UNC13C: variants seen among roughly 807,000 people sequenced by gnomAD.
UNC13C encodes the protein unc-13 homolog C, also known as protein unc-13 homolog C.
In UNC13C, 174 loss-of-function variants were observed where a neutral mutation model predicts 245.4. The observed-to-expected ratio is 0.71, with a 90% CI of 0.63 to 0.80. The LOEUF (loss-of-function observed/expected upper bound fraction) is 0.80. UNC13C is among the 30% of genes least tolerant of loss of function. UNC13C has a pLI of 0.00. For synonymous variants in UNC13C, 992 were observed against 895.1 expected, an observed-to-expected ratio of 1.11 and a Z score of -1.93; for missense variants, 2,829 against 2,602.9, an observed-to-expected ratio of 1.09 and a Z score of -1.89.
Position 54,014,128 on chromosome 15 carries a change from C to G in UNC13C, c.1225C>G (p.Leu409Val), listed in dbSNP as rs764983407. The G allele has an allele frequency of 1.2e-5, 19 of 1,613,714 alleles. No individual in the cohort carries two copies. The highest frequency in any genetic ancestry group is 1.6e-5 in the Non-Finnish European group (19 of 1,179,814). ...GTGIGISTDILTHDIRERKEK... is the reference protein window; with the variant it reads ...GTGIGISTDIVTHDIRERKEK... ...AGGCATTGGAATCTCAACAGATATT[C>G]TAACTCATGACATCAGAGAAAGAAA... Residue 409 changes from leucine to valine, a missense_variant, in exon 2 of 33, where the codon CTA (leucine) becomes GTA (valine). By Grantham distance (32) the Leu-to-Val change is conservative (BLOSUM62 1). Transcript: ENST00000260323.
intron 4 of UNC13C, among the ~76,000 whole-genome samples, chr15:54,193,627 C>G (rs1165303652): frequency 2.6e-5 from 4 of 152,100 alleles, no homozygotes; most frequent in African/African-American, 4.8e-5. Flanking sequence ...CTGTTTTACT[C>G]TTTTCAAATA....
intron 19 of UNC13C, among the ~76,000 whole-genome samples, chr15:54,420,836 C>G (rs2040626275): frequency 6.6e-6 from 1 of 151,846 alleles, no homozygotes; most frequent in African/African-American, 2.4e-5. Context: ...TTTTCCTCAC[C>G]AAGCTCCTCT....
chr15:54,425,823 G>C lies in UNC13C; in HGVS notation c.4933+10756G>C, dbSNP rs77894326. 7.6e-3 allele frequency among the ~76,000 whole-genome samples: 1,152 copies of C among 151,922 alleles called. 11 individuals carry two copies. Among genetic ancestry groups the C allele is most frequent in the African/African-American group, 0.027 (1,114 of 41,492 alleles). Reference sequence around the variant, plus strand: ...ATGCAAATGCAAATATATCATCTTAGAGAATTTTGTAGGTCAGGAAGTCTG... The same window carrying C: ...ATGCAAATGCAAATATATCATCTTACAGAATTTTGTAGGTCAGGAAGTCTG... On this transcript the variant is annotated intron_variant, in intron 19 of 32. Coordinates refer to ENST00000260323, the MANE Select transcript of UNC13C (RefSeq NM_001080534.3).
chr15:54,356,588 C>G (rs963951673), intron 17 of UNC13C, among the ~76,000 whole-genome samples: 4 of 152,156 alleles, frequency 2.6e-5, no homozygotes, highest in African/African-American at 7.2e-5. Context: ...GAAACCTCAC[C>G]TAATGGAAGG....
chr15:53,879,109 G>T, the UNC13C span, among the ~76,000 whole-genome samples: 2 of 151,842 alleles, frequency 1.3e-5, no homozygotes, highest in African/African-American at 4.8e-5. Context: ...TTTTAGCAAA[G>T]AAAATAGTCC....
At chr15:54,549,214 C>T (rs1286073317) in intron 27 of UNC13C, among the ~76,000 whole-genome samples, 1 of 152,178 alleles carries the variant, frequency 6.6e-6, no homozygotes, top group African/African-American at 2.4e-5. Flanking sequence ...CGCTAATAGA[C>T]TGGACAGCAT....
In UNC13C at chr15:54,264,357, A is replaced by T. The variant is rs756919367; in HGVS notation, c.3638A>T (p.Asp1213Val). 8 of 1,604,614 alleles carry T rather than the reference A, an allele frequency of 5.0e-6. No homozygotes were observed. The highest frequency in any genetic ancestry group is 5.1e-6 in the Non-Finnish European group (6 of 1,175,112). ...FTKAAKQSVLDGTSKWSAKIT... is the reference protein window; with the variant it reads ...FTKAAKQSVLVGTSKWSAKIT... ...AAGGCGGCCAAACAGAGTGTACTGG[A>T]TGGGACATCTAAGTGGTCTGCAAAA... The change falls in exon 9 of 33, where the codon GAT becomes GTT. Residue 1213 changes from aspartate to valine, a missense_variant. Asp to Val is a radical substitution (Grantham distance 152, BLOSUM62 -3). Transcript: ENST00000260323.
chr15:54,304,084 A>T (rs1487268288), intron 13 of UNC13C, among the ~76,000 whole-genome samples: 3 of 151,924 alleles, frequency 2.0e-5, no homozygotes, highest in African/African-American at 7.3e-5. Context: ...CAGATAGTAA[A>T]TATTTTGTAG....
At chr15:54,349,692 T>G (rs2038937317) in intron 17 of UNC13C, among the ~76,000 whole-genome samples, 1 of 152,226 alleles carries the variant, frequency 6.6e-6, no homozygotes, top group Non-Finnish European at 1.5e-5. Flanking sequence ...AGTTGGCAAG[T>G]AAGCCGGGAG....
intron 4 of UNC13C, among the ~76,000 whole-genome samples, chr15:54,176,682 G>T (rs72748217): frequency 0.18 from 27,854 of 151,990 alleles, 3,107 homozygotes; most frequent in Middle Eastern, 0.29. Flanking sequence ...ATGAAAGTCT[G>T]ACATTGAAGA....
chr15:54,280,027 AT>A (rs2036934457), intron 10 of UNC13C, among the ~76,000 whole-genome samples: 1 of 152,172 alleles, frequency 6.6e-6, no homozygotes, highest in Non-Finnish European at 1.5e-5. Context: ...TCTGGATAAC[AT>A]TTTAGTAATG....
At chr15:53,898,222 C>T in the UNC13C span, among the ~76,000 whole-genome samples, 1 of 152,030 alleles carries the variant, frequency 6.6e-6, no homozygotes, top group Non-Finnish European at 1.5e-5. Flanking sequence ...TCATCATCAT[C>T]ATCATCATCA....
intron 4 of UNC13C, among the ~76,000 whole-genome samples, chr15:54,234,554 A>C (rs576451021): frequency 2.0e-5 from 3 of 152,300 alleles, no homozygotes; most frequent in African/African-American, 7.2e-5. Context: ...CCAATATCTT[A>C]AATATGTCCA....
intron 10 of UNC13C, among the ~76,000 whole-genome samples, chr15:54,267,035 A>AT (rs1201608458): frequency 1.3e-5 from 2 of 151,938 alleles, no homozygotes; most frequent in Non-Finnish European, 2.9e-5. Flanking sequence ...ATCACAGTTT[A>AT]TTTTACTATT....
chr15:54,403,824 CT>C (rs59244605), intron 18 of UNC13C, among the ~76,000 whole-genome samples: 3 of 150,960 alleles, frequency 2.0e-5, no homozygotes, highest in African/African-American at 7.3e-5. Flanking sequence ...AAAATAATGC[CT>C]TGAAACAGAA....
At chr15:54,181,459 G>C (rs1567074769) in intron 4 of UNC13C, among the ~76,000 whole-genome samples, 1 of 150,684 alleles carries the variant, frequency 6.6e-6, no homozygotes, top group Non-Finnish European at 1.5e-5. Flanking sequence ...TTTTTTGTTT[G>C]TTTGTTTTGT....
chr15:54,291,512 T>C (rs1276997591), intron 10 of UNC13C, among the ~76,000 whole-genome samples: 2 of 152,006 alleles, frequency 1.3e-5, no homozygotes, highest in East Asian at 3.8e-4. Flanking sequence ...TTGTCAATAA[T>C]AGATATATTA....
intron 4 of UNC13C, among the ~76,000 whole-genome samples, chr15:54,187,658 C>A (rs1179492943): frequency 6.6e-6 from 1 of 152,138 alleles, no homozygotes; most frequent in Non-Finnish European, 1.5e-5. Context: ...TCGGTGACAA[C>A]ATGATTTTTT....
intron 2 of UNC13C, among the ~76,000 whole-genome samples, chr15:54,058,288 C>T (rs1049169779): frequency 2.6e-5 from 4 of 151,982 alleles, no homozygotes; most frequent in South Asian, 2.1e-4. Flanking sequence ...ATGTCACCAC[C>T]GATCCCACAG....
Sources: allele counts gnomAD v4.1 joint callset (sites outside exome capture counted in the v4.1 genomes callset), GRCh38; gene constraint gnomAD v4.1.1; transcripts MANE v1.5; gene names NCBI Gene and HGNC (gene_info 2026-07-23, HGNC 2026-07-21).